The following STAG2 variants were observed in gnomAD, a reference collection of about 807,000 sequenced individuals.
The protein encoded by STAG2 is STAG2 cohesin complex component.
Under a neutral mutation model 108.1 loss-of-function variants are expected in STAG2, and 14 were observed. That is an observed-to-expected ratio of 0.13 (90% CI 0.09 to 0.20). The LOEUF is 0.20. Among genes scored for constraint, STAG2 ranks in the 10% least tolerant of loss-of-function variants. The probability of loss-of-function intolerance (pLI) is 1.00; values close to 1 mark genes in which losing one functional copy is unlikely to be tolerated. For missense variants in STAG2, 440 were observed against 940.9 expected (o/e 0.47, Z 6.96); for synonymous variants, 307 against 302.7 (o/e 1.01, Z -0.15).
intron 1 of STAG2, among the ~76,000 whole-genome samples, chrX:123,969,416 T>C (rs1432862919): frequency 8.9e-6 from 1 of 111,824 alleles, no homozygotes; most frequent in African/African-American, 3.2e-5. Flanking sequence ...GGCTAATCTT[T>C]AATAATTCAG....
At chrX:124,024,202 A>G (rs1475577431) in intron 3 of STAG2, among the ~76,000 whole-genome samples, 1 of 111,062 alleles carries the variant, frequency 9.0e-6, no homozygotes. Context: ...GGAGATGAGT[A>G]TTAAGAGGAT....
chrX:124,020,655 C>T (rs1289374018), intron 1 of STAG2, among the ~76,000 whole-genome samples: 1 of 111,184 alleles, frequency 9.0e-6, no homozygotes, highest in African/African-American at 3.3e-5. Context: ...CCACTGCACT[C>T]CAGCCTGGGT....
At chrX:124,092,563 C>T (rs777705410) in intron 32 of STAG2, among the ~76,000 whole-genome samples, 32 of 111,851 alleles carry the variant, frequency 2.9e-4, no homozygotes, top group African/African-American at 9.7e-4. Context: ...CCCCCGCCTC[C>T]CGGCAACTAC....
At chrX:124,024,164 A>G (rs191519945) in intron 3 of STAG2, among the ~76,000 whole-genome samples, 217 of 110,794 alleles carry the variant, frequency 2.0e-3, no homozygotes, top group Non-Finnish European at 3.6e-3. Flanking sequence ...CCAAACCTCT[A>G]GTGCTTCACT....
chrX:123,961,693 C>A (rs1418077130), upstream of STAG2: 2 of 99,788 alleles, frequency 2.0e-5, no homozygotes, highest in East Asian at 6.8e-4. Flanking sequence ...TTCCCTCCCT[C>A]CCCCCTCCCT....
intron 10 of STAG2, 54 bp from the exon 11 acceptor site, chrX:124,050,132 A>C (rs755944547): frequency 8.6e-7 from 1 of 1,169,412 alleles, no homozygotes; most frequent in Admixed American, 2.3e-5. Context: ...ATAAACCATA[A>C]GTTTTGTGGT....
intron 1 of STAG2, among the ~76,000 whole-genome samples, chrX:124,020,563 A>G (rs1224383391): frequency 1.8e-5 from 2 of 112,063 alleles, no homozygotes; most frequent in South Asian, 3.7e-4. Flanking sequence ...GTGAGTACCT[A>G]TAGTCCTAGC....
chrX:124,092,380 G>A (rs1303905481), intron 32 of STAG2, among the ~76,000 whole-genome samples: 2 of 111,094 alleles, frequency 1.8e-5, no homozygotes, highest in African/African-American at 6.5e-5. Context: ...TTTTATGCTG[G>A]ATCCTACAAC....
In STAG2 at chrX:124,101,927, A is replaced by G. The variant is rs1457583158; in HGVS notation, c.*1330A>G. 1 of 160,760 alleles carries G rather than the reference A, an allele frequency of 6.2e-6. No individual in the cohort carries two copies. The highest frequency in any genetic ancestry group is 3.0e-5 in the African/African-American group (1 of 33,255). The allele number at this position is 160,760 out of a possible 1,213,427, so 13.2% of individuals were successfully genotyped here. ...AGACATCGTTTAAAACAAAATATTA[A>G]CTTATATTACATGTGTATCTATCTA... is the stretch of plus-strand genomic sequence containing the variant. On this transcript the variant is annotated 3_prime_UTR_variant, in exon 35 of 35. Coordinates refer to ENST00000371145, the MANE Select transcript of STAG2 (RefSeq NM_001042750.2).
intron 1 of STAG2, among the ~76,000 whole-genome samples, chrX:124,010,136 A>G (rs749024899): frequency 8.9e-6 from 1 of 111,786 alleles, no homozygotes; most frequent in South Asian, 3.7e-4. Context: ...TTAATTTTTT[A>G]TTGTGGTAAA....
At chrX:124,003,326 A>T (rs961089296) in intron 1 of STAG2, 1 of 111,037 alleles carries the variant, frequency 9.0e-6, no homozygotes, top group Non-Finnish European at 1.9e-5. Context: ...TTTCATTGTT[A>T]GTTAGGGAAT....
chrX:124,026,089 G>C lies in STAG2; in HGVS notation c.123+171G>C, dbSNP rs5958374. Among the ~76,000 whole-genome samples, 368 of 104,322 alleles carry C rather than the reference G, an allele frequency of 3.5e-3. 1 individual carries two copies. The highest frequency in any genetic ancestry group is 0.012 in the African/African-American group (341 of 28,903). The allele number at this position is 104,322 out of a possible 115,157, so 90.6% of individuals were successfully genotyped here. On this transcript the variant is annotated intron_variant, in intron 4 of 34. Coordinates refer to ENST00000371145, the MANE Select transcript of STAG2 (RefSeq NM_001042750.2). Reference sequence around the variant, plus strand: ...TGTGGTCCTTTTGTCTTCTAGACCAGGTAGCCTTTGGGATCTATTTACACT... The same window carrying C: ...TGTGGTCCTTTTGTCTTCTAGACCACGTAGCCTTTGGGATCTATTTACACT...
At chrX:124,073,656 C>CA (rs2058729708) in intron 25 of STAG2, among the ~76,000 whole-genome samples, 1 of 111,689 alleles carries the variant, frequency 9.0e-6, no homozygotes. Flanking sequence ...CTCCTGGGCT[C>CA]AAGCAGTCCT....
intron 1 of STAG2, among the ~76,000 whole-genome samples, chrX:123,965,307 A>G (rs899394411): frequency 1.8e-5 from 2 of 112,297 alleles, no homozygotes; most frequent in African/African-American, 6.5e-5. Flanking sequence ...CTAAACTACT[A>G]CACTAACACA....
intron 1 of STAG2, among the ~76,000 whole-genome samples, chrX:124,018,502 A>G (rs757753347): frequency 2.7e-5 from 3 of 110,450 alleles, no homozygotes; most frequent in Non-Finnish European, 5.7e-5. Context: ...GGACGGATGG[A>G]TGGATAGATG....
intron 6 of STAG2, among the ~76,000 whole-genome samples, chrX:124,040,315 C>CT (rs2057669728): frequency 9.0e-6 from 1 of 111,207 alleles, no homozygotes; most frequent in Non-Finnish European, 1.9e-5. Context: ...GTGTTTTCTT[C>CT]TTTTTTTCCT....
Position 123,968,717 on chromosome X carries a change from A to T in STAG2, c.-163+6861A>T, listed in dbSNP as rs571807739. ...TCAAGGGGGGTGAAAAACAAGTCCT[A>T]TTTACATTTTTGCAAGAATAACTTT... is the stretch of plus-strand genomic sequence containing the variant. On this transcript the variant is annotated intron_variant, in intron 1 of 34. Transcript: ENST00000371145. 5.0e-4 allele frequency among the ~76,000 whole-genome samples: 56 copies of T among 112,369 alleles called. 2 individuals carry two copies. In the Middle Eastern group the frequency reaches 0.019, roughly 37 times the overall value.
At chrX:124,033,116 T>C (rs2057398038) in intron 5 of STAG2, among the ~76,000 whole-genome samples, 1 of 112,462 alleles carries the variant, frequency 8.9e-6, no homozygotes, top group African/African-American at 3.2e-5. Flanking sequence ...TGTTTGCTTG[T>C]ATATCATGAT....
intron 3 of STAG2, among the ~76,000 whole-genome samples, chrX:124,024,175 C>A (rs1360365960): frequency 9.0e-6 from 1 of 110,603 alleles, no homozygotes; most frequent in East Asian, 2.8e-4. Context: ...GTGCTTCACT[C>A]TTAGTTGGGA....
Sources: allele counts gnomAD v4.1 joint callset (sites outside exome capture counted in the v4.1 genomes callset), GRCh38; gene constraint gnomAD v4.1.1; transcripts MANE v1.5; gene names NCBI Gene and HGNC (gene_info 2026-07-23, HGNC 2026-07-21).